The following FOXP2 variants were observed in gnomAD, a reference collection of about 807,000 sequenced individuals.
FOXP2 encodes forkhead box protein P2.
FOXP2 carries 12 observed loss-of-function variants against 115.8 expected under a neutral mutation model. The observed-to-expected ratio is 0.10, with a 90% CI of 0.07 to 0.17. The LOEUF (loss-of-function observed/expected upper bound fraction) is 0.17. Ranked by LOEUF, FOXP2 falls within the 10% of genes least tolerant of loss-of-function variation. The pLI is 1.00. For synonymous variants in FOXP2, 328 were observed against 297.7 expected, an observed-to-expected ratio of 1.10 and a Z score of -1.05; for missense variants, 629 against 843.5, an observed-to-expected ratio of 0.75 and a Z score of 3.15.
intron 1 of FOXP2, among the ~76,000 whole-genome samples, chr7:114,176,423 C>T (rs995891732): frequency 2.0e-5 from 3 of 151,454 alleles, no homozygotes; most frequent in African/African-American, 7.3e-5. Flanking sequence ...ACTGCAGCCT[C>T]AACCTCCCAG....
At chr7:114,463,832 A>G (rs950656738) in intron 2 of FOXP2, among the ~76,000 whole-genome samples, 2 of 152,196 alleles carry the variant, frequency 1.3e-5, no homozygotes, top group Non-Finnish European at 2.9e-5. Flanking sequence ...TATTATTTCA[A>G]TACAAGTGTC....
intron 1 of FOXP2, among the ~76,000 whole-genome samples, chr7:114,423,964 G>T (rs1182980850): frequency 2.6e-5 from 4 of 151,342 alleles, no homozygotes; most frequent in African/African-American, 9.7e-5. Flanking sequence ...AGAGCAAAAA[G>T]TACTATCACT....
rs1808668459 is a variant in FOXP2, at chr7:114,691,580, T to C, written c.*1654T>C. The C allele has an allele frequency of 2.2e-6, 1 of 454,010 alleles. No individual in the cohort carries two copies. Among genetic ancestry groups the C allele is most frequent in the Non-Finnish European group, 4.4e-6 (1 of 226,760 alleles). The allele number at this position is 454,010 out of a possible 1,614,324, so 28.1% of individuals were successfully genotyped here. A position where few individuals can be genotyped will look rare whatever the true frequency, so the allele number is the denominator to read the frequency against. ...AGTTATGATGTAGTTGAAAATAGCA[T>C]AGTCAGATGTTTGCTTAAAACCTAG... On this transcript the variant is annotated 3_prime_UTR_variant, in exon 17 of 17. Coordinates refer to ENST00000350908, the MANE Select transcript of FOXP2 (RefSeq NM_014491.4).
intron 1 of FOXP2, among the ~76,000 whole-genome samples, chr7:114,225,152 T>C (rs1794715688): frequency 6.6e-6 from 1 of 152,140 alleles, no homozygotes; most frequent in Non-Finnish European, 1.5e-5. Flanking sequence ...TTTTTTATAC[T>C]GCACTTGTCT....
intron 3 of FOXP2, among the ~76,000 whole-genome samples, chr7:114,566,153 G>A (rs1302466968): frequency 1.3e-5 from 2 of 152,056 alleles, no homozygotes; most frequent in African/African-American, 4.8e-5. Flanking sequence ...ACAGTTGGAG[G>A]GGCAGAAAGG....
At chr7:114,487,150 G>A (rs896768182) in intron 2 of FOXP2, among the ~76,000 whole-genome samples, 2 of 152,156 alleles carry the variant, frequency 1.3e-5, no homozygotes, top group Admixed American at 6.5e-5. Context: ...CCAGAAATTT[G>A]CGTACATCCT....
intron 1 of FOXP2, among the ~76,000 whole-genome samples, chr7:114,111,210 G>A (rs1196019629): frequency 6.6e-6 from 1 of 152,142 alleles, no homozygotes; most frequent in Non-Finnish European, 1.5e-5. Flanking sequence ...TTTGGCCGGT[G>A]CGACATCAGT....
At chr7:114,372,646 G>A (rs1792042221) in intron 2 of FOXP2, among the ~76,000 whole-genome samples, 1 of 152,084 alleles carries the variant, frequency 6.6e-6, no homozygotes, top group Non-Finnish European at 1.5e-5. Context: ...ATTAGTAACT[G>A]ATGAGCCAGG....
intron 1 of FOXP2, among the ~76,000 whole-genome samples, chr7:114,171,311 C>T (rs570854971): frequency 2.0e-5 from 3 of 152,250 alleles, no homozygotes; most frequent in Non-Finnish European, 4.4e-5. Context: ...TGGTGGCTTA[C>T]ACCTGTATCC....
intron 2 of FOXP2, among the ~76,000 whole-genome samples, chr7:114,386,008 C>G (rs187453532): frequency 6.6e-6 from 1 of 152,194 alleles, no homozygotes; most frequent in Non-Finnish European, 1.5e-5. Context: ...GTGTTCAGCT[C>G]GATTAGGACG....
intron 16 of FOXP2, among the ~76,000 whole-genome samples, chr7:114,678,296 A>T (rs1305119304): frequency 6.6e-6 from 1 of 152,142 alleles, no homozygotes; most frequent in African/African-American, 2.4e-5. Context: ...TCATTCAGAG[A>T]ACAATGACTC....
At chr7:114,676,838 A>G (rs1807795821) in intron 16 of FOXP2, among the ~76,000 whole-genome samples, 1 of 152,198 alleles carries the variant, frequency 6.6e-6, no homozygotes, top group South Asian at 2.1e-4. Flanking sequence ...GTCTTGCTTT[A>G]TAGATGTTTG....
intron 3 of FOXP2, among the ~76,000 whole-genome samples, chr7:114,587,763 A>C (rs906620816): frequency 6.6e-6 from 1 of 150,870 alleles, no homozygotes; most frequent in Non-Finnish European, 1.5e-5. Flanking sequence ...ACTGATGGGT[A>C]AAAATACAGA....
chr7:114,533,092 A>G (rs1799217353), intron 2 of FOXP2, among the ~76,000 whole-genome samples: 1 of 152,014 alleles, frequency 6.6e-6, no homozygotes, highest in African/African-American at 2.4e-5. Context: ...TTAATTTGTA[A>G]TTACTTGAAA....
At chr7:114,676,314 A>G (rs771943051) in intron 16 of FOXP2, among the ~76,000 whole-genome samples, 4 of 152,136 alleles carry the variant, frequency 2.6e-5, no homozygotes, top group African/African-American at 7.2e-5. Context: ...AAGGATCAAG[A>G]CACTTTAAAA....
At chr7:114,128,685 A>G (rs996805700) in intron 1 of FOXP2, among the ~76,000 whole-genome samples, 3 of 152,046 alleles carry the variant, frequency 2.0e-5, no homozygotes, top group Non-Finnish European at 4.4e-5. Context: ...GAACATGTCC[A>G]TTTTAGTGTT....
chr7:114,209,504 A>G (rs1405035419), intron 1 of FOXP2, among the ~76,000 whole-genome samples: 2 of 152,040 alleles, frequency 1.3e-5, no homozygotes, highest in Non-Finnish European at 2.9e-5. Context: ...TAGGGTTTCT[A>G]TTGAAAGGTC....
At chr7:114,145,481 C>CTTTTCTT (rs1177665919) in intron 1 of FOXP2, among the ~76,000 whole-genome samples, 2 of 126,082 alleles carry the variant, frequency 1.6e-5, no homozygotes, top group Non-Finnish European at 3.3e-5. Context: ...CTTTTCTTTT[C>CTTTTCTT]TTTTCTTTTC....
At chr7:114,394,446 T>C (rs929339499) in intron 2 of FOXP2, among the ~76,000 whole-genome samples, 6 of 151,428 alleles carry the variant, frequency 4.0e-5, no homozygotes, top group Non-Finnish European at 5.9e-5. Context: ...CACACAGATA[T>C]AGAAATTGAA....
Sources: allele counts gnomAD v4.1 joint callset (sites outside exome capture counted in the v4.1 genomes callset), GRCh38; gene constraint gnomAD v4.1.1; transcripts MANE v1.5; gene names NCBI Gene and HGNC (gene_info 2026-07-23, HGNC 2026-07-21).